CACNA2D4: variants seen among roughly 807,000 people sequenced by gnomAD.
The protein encoded by CACNA2D4 is voltage-dependent calcium channel subunit alpha-2/delta-4.
In CACNA2D4, 157 loss-of-function variants were observed where a neutral mutation model predicts 163.8. That is an observed-to-expected ratio of 0.96 (90% confidence interval 0.84 to 1.09). The LOEUF is 1.09. Among genes scored for constraint, CACNA2D4 ranks in the 50% least tolerant of loss-of-function variants. The probability of loss-of-function intolerance (pLI) is 0.00; values close to 1 mark genes in which losing one functional copy is unlikely to be tolerated. For missense variants in CACNA2D4, 1,410 were observed against 1,479.9 expected, an observed-to-expected ratio of 0.95 and a Z score of 0.78; for synonymous variants, 598 against 586.9, an observed-to-expected ratio of 1.02 and a Z score of -0.27.
At chr12:1,823,652 C>G (rs1319357828) in intron 26 of CACNA2D4, among the ~76,000 whole-genome samples, 1 of 151,962 alleles carries the variant, frequency 6.6e-6, no homozygotes, top group East Asian at 1.9e-4. Context: ...TTCTAGAAAG[C>G]CCCCCACCTT....
intron 18 of CACNA2D4, among the ~76,000 whole-genome samples, chr12:1,870,505 G>A (rs1865746463): frequency 6.6e-6 from 1 of 151,812 alleles, no homozygotes. Context: ...CAGACAGACT[G>A]GGGAGTGCCC....
chr12:1,882,841 G>T (rs769847848), intron 13 of CACNA2D4, 26 bp downstream of exon 13: 2 of 1,612,462 alleles, frequency 1.2e-6, no homozygotes, highest in South Asian at 1.1e-5. Context: ...TGGGCTTCTC[G>T]AGCTGGGAGC....
rs1202837447 is a variant in CACNA2D4, at chr12:1,878,099, C to T, written c.1719+216G>A. ...ACTTCGTTACGTGCTCTCTGGCCCA[C>T]TCATCAGTCATTTCACATGTTTTTG... is the stretch of plus-strand genomic sequence containing the variant. On this transcript the variant is annotated intron_variant, in intron 16 of 37. Transcript: ENST00000382722. The surrounding 1 kb of genome is among the most constrained non-coding windows in gnomAD (Gnocchi z 4.6). 6.6e-6 allele frequency among the ~76,000 whole-genome samples: 1 copy of T among 152,208 alleles called. No individual in the cohort carries two copies. The highest frequency in any genetic ancestry group is 1.5e-5 in the Non-Finnish European group (1 of 68,050).
At chr12:1,895,513 A>G (rs1163179356) in intron 6 of CACNA2D4, among the ~76,000 whole-genome samples, 1 of 152,208 alleles carries the variant, frequency 6.6e-6, no homozygotes, top group East Asian at 1.9e-4. Flanking sequence ...AGGCTATAGT[A>G]ACCCAAACAG....
At chr12:1,831,185 G>T in intron 26 of CACNA2D4, 1 of 1,613,862 alleles carries the variant, frequency 6.2e-7, no homozygotes, top group Non-Finnish European at 8.5e-7. Flanking sequence ...TCCTGGACCG[G>T]CTGCCCCGCT....
At position 1,800,381 on chromosome 12, in the gene CACNA2D4, C is replaced by G. The variant is rs769848087; in HGVS notation, c.2921+5G>C. On this transcript the variant is annotated splice_donor_5th_base_variant and intron_variant, in intron 32 of 37. Coordinates refer to ENST00000382722, the MANE Select transcript of CACNA2D4 (RefSeq NM_172364.5). ...TCCACCAGCCCCGTGTCTACCCCCACTCACAGCACCAGCTCCTGCAGCAGC... is the reference window on the plus strand; with the variant it reads ...TCCACCAGCCCCGTGTCTACCCCCAGTCACAGCACCAGCTCCTGCAGCAGC... 2 of 1,613,898 alleles carry G rather than the reference C, an allele frequency of 1.2e-6. No individual in the cohort carries two copies. The highest frequency in any genetic ancestry group is 4.5e-5 in the East Asian group (2 of 44,880).
intron 6 of CACNA2D4, among the ~76,000 whole-genome samples, chr12:1,903,126 C>T (rs1051196383): frequency 1.3e-5 from 2 of 151,988 alleles, no homozygotes; most frequent in African/African-American, 4.8e-5. Context: ...AGGACAGTCT[C>T]TTCAATAAAT....
Position 1,860,139 on chromosome 12 carries a change from C to T in CACNA2D4, c.1940+6G>A. On this transcript the variant is annotated splice_donor_region_variant and intron_variant, in intron 19 of 37. Coordinates refer to ENST00000382722, the MANE Select transcript of CACNA2D4 (RefSeq NM_172364.5). ...ACCCCGTGCAAATAAAGCCTGTGTCCCTCACCTGAAAGGGGTGTCGCTGAT... is the reference window on the plus strand; with the variant it reads ...ACCCCGTGCAAATAAAGCCTGTGTCTCTCACCTGAAAGGGGTGTCGCTGAT... 1 of 1,611,086 alleles carries T rather than the reference C, an allele frequency of 6.2e-7. No individual in the cohort carries two copies. The highest frequency in any genetic ancestry group is 8.5e-7 in the Non-Finnish European group (1 of 1,177,322).
intron 18 of CACNA2D4, among the ~76,000 whole-genome samples, chr12:1,872,756 T>C (rs1232445326): frequency 1.3e-5 from 2 of 151,922 alleles, no homozygotes; most frequent in Non-Finnish European, 2.9e-5. Context: ...CTGCACAGAG[T>C]GGAGGCTGCC....
intron 4 of CACNA2D4, 127 bp downstream of exon 4, chr12:1,909,779 G>T (rs1006503170): frequency 4.1e-6 from 3 of 737,018 alleles, no homozygotes; most frequent in South Asian, 3.3e-5. Context: ...GCCTGTGAGG[G>T]GTGAGCAGTA....
chr12:1,862,327 A>G (rs968094072), intron 18 of CACNA2D4, among the ~76,000 whole-genome samples: 2 of 152,226 alleles, frequency 1.3e-5, no homozygotes, highest in African/African-American at 4.8e-5. Flanking sequence ...TTATGCTCCT[A>G]TTAGCAATGT....
chr12:1,898,276 A>G (rs748855586), intron 6 of CACNA2D4, among the ~76,000 whole-genome samples: 1 of 152,176 alleles, frequency 6.6e-6, no homozygotes, highest in South Asian at 2.1e-4. Flanking sequence ...TACAGTCAAC[A>G]GAGTGAAAAG....
At chr12:1,868,412 A>C (rs1226009267) in intron 18 of CACNA2D4, among the ~76,000 whole-genome samples, 2 of 152,062 alleles carry the variant, frequency 1.3e-5, no homozygotes, top group Non-Finnish European at 2.9e-5. Flanking sequence ...TAAAAATGGA[A>C]TACATAGAAA....
intron 22 of CACNA2D4, 128 bp downstream of exon 22, chr12:1,855,884 A>C (rs1052484289): frequency 8.8e-6 from 6 of 682,262 alleles, no homozygotes; most frequent in Non-Finnish European, 1.6e-5. Context: ...GTTTGATCTA[A>C]GCCATCCATG....
chr12:1,860,246 G>A, intron 18 of CACNA2D4, 40 bp from the exon 19 acceptor site: 2 of 1,554,290 alleles, frequency 1.3e-6, no homozygotes, highest in Non-Finnish European at 1.8e-6. Flanking sequence ...ACGCAGAGAA[G>A]AGCGGCCCCC....
chr12:1,814,665 C>A (rs1212593930), intron 26 of CACNA2D4, among the ~76,000 whole-genome samples: 1 of 152,210 alleles, frequency 6.6e-6, no homozygotes, highest in Non-Finnish European at 1.5e-5. Flanking sequence ...CACCTCAGTT[C>A]CAAAACTTTA....
At chr12:1,797,292 T>G (rs1863157931) in intron 35 of CACNA2D4, 126 bp downstream of exon 35, 2 of 728,644 alleles carry the variant, frequency 2.7e-6, no homozygotes, top group South Asian at 1.6e-5. Flanking sequence ...GCTCTGCACT[T>G]AGACGCATCC....
At position 1,878,233 on chromosome 12, in the gene CACNA2D4, G is replaced by T; in HGVS notation, c.1719+82C>A. On this transcript the variant is annotated intron_variant, in intron 16 of 37. Transcript: ENST00000382722. This position sits in a 1 kb window ranked among gnomAD's most constrained non-coding sequence, Gnocchi z 4.6. ...GGTTCCTAAATGGAGCCCAATGTGT[G>T]TTTGTTGTTTTAATCGTTTTTGTGA... 1 of 1,481,934 alleles carries T rather than the reference G, an allele frequency of 6.7e-7. No individual in the cohort carries two copies. Among genetic ancestry groups the T allele is most frequent in the Non-Finnish European group, 9.2e-7 (1 of 1,082,970 alleles). 91.8% of individuals were successfully genotyped at this position (1,481,934 alleles called of 1,614,324 possible).
chr12:1,852,847 C>A (rs1049253221), intron 23 of CACNA2D4, among the ~76,000 whole-genome samples: 4 of 152,102 alleles, frequency 2.6e-5, no homozygotes, highest in Non-Finnish European at 5.9e-5. Flanking sequence ...CTGCCACTTT[C>A]GAGGCGTATG....
Sources: gnomAD v4.1 joint callset for allele counts (sites outside exome capture counted in the v4.1 genomes callset) on GRCh38, gnomAD v4.1.1 for gene constraint, Gnocchi (gnomAD v3.1) non-coding constraint, MANE v1.5 for transcripts, NCBI Gene and HGNC (gene_info 2026-07-23, HGNC 2026-07-21) for gene names.